PLPPR1: variants seen among roughly 807,000 people sequenced by gnomAD.
The protein encoded by PLPPR1 is phospholipid phosphatase related 1, also known as phospholipid phosphatase-related protein type 1.
A neutral mutation model predicts 33.1 loss-of-function variants in PLPPR1; 10 were observed. The ratio of observed to expected loss-of-function variants is 0.30; its 90% CI spans 0.19 to 0.51. PLPPR1 has a LOEUF of 0.51. Among genes scored for constraint, PLPPR1 ranks in the 20% least tolerant of loss-of-function variants. PLPPR1 has a pLI of 0.97. For synonymous variants in PLPPR1, 151 were observed against 151.0 expected (o/e 1.00, Z 0.00); for missense variants, 304 against 408.1 (o/e 0.74, Z 2.20).
intron 1 of PLPPR1, among the ~76,000 whole-genome samples, chr9:101,158,847 A>G (rs1000753683): frequency 1.4e-5 from 2 of 148,120 alleles, no homozygotes; most frequent in Admixed American, 6.6e-5. Flanking sequence ...GGCCAGATCA[A>G]CTGAAGCAGT....
At chr9:101,205,677 C>A (rs1826575871) in intron 2 of PLPPR1, among the ~76,000 whole-genome samples, 1 of 152,158 alleles carries the variant, frequency 6.6e-6, no homozygotes, top group Non-Finnish European at 1.5e-5. Flanking sequence ...AGCCTGCAAC[C>A]TTAAAACTGT....
chr9:101,126,036 G>A (rs1030126603), intron 1 of PLPPR1: 1 of 202,308 alleles, frequency 4.9e-6, no homozygotes, highest in Non-Finnish European at 9.8e-6. Context: ...TTTTTTCTGG[G>A]GACTACTGCC....
intron 2 of PLPPR1, among the ~76,000 whole-genome samples, chr9:101,268,774 C>T (rs900601140): frequency 6.6e-6 from 1 of 152,156 alleles, no homozygotes; most frequent in African/African-American, 2.4e-5. Context: ...GATGTCCTAC[C>T]AAGTTCTGAT....
chr9:101,046,400 A>G (rs1830146436), intron 1 of PLPPR1, among the ~76,000 whole-genome samples: 1 of 142,586 alleles, frequency 7.0e-6, no homozygotes, highest in Non-Finnish European at 1.5e-5. Context: ...TTCCTTCTCC[A>G]TCATCTGCTC....
intron 1 of PLPPR1, among the ~76,000 whole-genome samples, chr9:101,056,148 G>C (rs117007965): frequency 0.015 from 2,359 of 152,252 alleles, 48 homozygotes; most frequent in East Asian, 0.081. Flanking sequence ...AGAAAAGAGA[G>C]GCTGACAGAA....
intron 4 of PLPPR1, among the ~76,000 whole-genome samples, chr9:101,308,994 G>A (rs753917917): frequency 1.3e-5 from 2 of 152,034 alleles, no homozygotes; most frequent in Admixed American, 6.6e-5. Context: ...CTAAACTACC[G>A]ATACAAAACC....
chr9:101,270,107 A>G, intron 3 of PLPPR1, 39 bp downstream of exon 3: 1 of 1,594,638 alleles, frequency 6.3e-7, no homozygotes. Context: ...ATTGTCAGAT[A>G]CCCAAGAATA....
At chr9:101,169,506 A>G (rs1019669879) in intron 1 of PLPPR1, among the ~76,000 whole-genome samples, 6 of 152,042 alleles carry the variant, frequency 3.9e-5, no homozygotes, top group African/African-American at 1.4e-4. Flanking sequence ...CCTTCCCATT[A>G]GTTTATTTTG....
At chr9:101,195,417 T>C (rs2118735992) in intron 2 of PLPPR1, among the ~76,000 whole-genome samples, 1 of 152,198 alleles carries the variant, frequency 6.6e-6, no homozygotes, top group South Asian at 2.1e-4. Context: ...CTTAGACATA[T>C]TCTATTTCAT....
At chr9:101,178,887 T>G (rs916931601) in intron 1 of PLPPR1, among the ~76,000 whole-genome samples, 1 of 152,192 alleles carries the variant, frequency 6.6e-6, no homozygotes, top group Non-Finnish European at 1.5e-5. Flanking sequence ...AATTTTTGCT[T>G]CCTGTTCCTG....
chr9:101,215,986 T>C (rs767071368), intron 2 of PLPPR1, among the ~76,000 whole-genome samples: 5 of 152,208 alleles, frequency 3.3e-5, no homozygotes, highest in African/African-American at 4.8e-5. Flanking sequence ...ACTGATTTCT[T>C]TCCTTTTTGA....
At chr9:101,130,457 G>A (rs752072015) in intron 1 of PLPPR1, among the ~76,000 whole-genome samples, 5 of 152,054 alleles carry the variant, frequency 3.3e-5, no homozygotes, top group African/African-American at 7.2e-5. Context: ...AACCTCAGAG[G>A]GATGCTTTAA....
At chr9:101,043,941 A>T (rs1830113701) in intron 1 of PLPPR1, among the ~76,000 whole-genome samples, 1 of 152,194 alleles carries the variant, frequency 6.6e-6, no homozygotes, top group African/African-American at 2.4e-5. Flanking sequence ...CATCTTCTAG[A>T]CATTGGCTTA....
chr9:101,255,055 T>A (rs1027489889), intron 2 of PLPPR1, among the ~76,000 whole-genome samples: 4 of 152,202 alleles, frequency 2.6e-5, no homozygotes, highest in Non-Finnish European at 4.4e-5. Context: ...CTTCAAATTT[T>A]TGCTAATTTG....
At chr9:101,161,515 G>A (rs1010819344) in intron 1 of PLPPR1, among the ~76,000 whole-genome samples, 45 of 151,890 alleles carry the variant, frequency 3.0e-4, no homozygotes, top group Admixed American at 3.0e-3. Flanking sequence ...TCTGATTTAG[G>A]GCAAGTTATG....
At chr9:101,247,080 G>A (rs568547401) in intron 2 of PLPPR1, among the ~76,000 whole-genome samples, 2 of 151,990 alleles carry the variant, frequency 1.3e-5, no homozygotes, top group South Asian at 2.1e-4. Flanking sequence ...TGTGTATATG[G>A]GAGGTCTCAT....
chr9:101,144,112 T>C (rs916713388), intron 1 of PLPPR1, among the ~76,000 whole-genome samples: 15 of 152,190 alleles, frequency 9.9e-5, no homozygotes, highest in African/African-American at 3.4e-4. Context: ...TCACGTCCTT[T>C]GTAGGGACAT....
At chr9:101,217,894 T>C (rs1826835906) in intron 2 of PLPPR1, among the ~76,000 whole-genome samples, 1 of 152,174 alleles carries the variant, frequency 6.6e-6, no homozygotes, top group Non-Finnish European at 1.5e-5. Context: ...ATAAACCTAG[T>C]ATCTCAAGAA....
chr9:101,204,628 C>G (rs1235312894), intron 2 of PLPPR1, among the ~76,000 whole-genome samples: 3 of 152,104 alleles, frequency 2.0e-5, no homozygotes, highest in Non-Finnish European at 4.4e-5. Flanking sequence ...GGAGACCAAC[C>G]CCACTCCAAA....
Sources: allele counts gnomAD v4.1 joint callset (sites outside exome capture counted in the v4.1 genomes callset), GRCh38; gene constraint gnomAD v4.1.1; transcripts MANE v1.5; gene names NCBI Gene and HGNC (gene_info 2026-07-23, HGNC 2026-07-21).